SLC9A9: variants seen among roughly 807,000 people sequenced by gnomAD.
SLC9A9 encodes the protein solute carrier family 9 member A9.
SLC9A9 carries 62 observed loss-of-function variants against 77.8 expected under a neutral mutation model. That is an observed-to-expected ratio of 0.80 (90% CI 0.65 to 0.98). The LOEUF (loss-of-function observed/expected upper bound fraction) is 0.98. Ranked by LOEUF, SLC9A9 falls within the 50% of genes least tolerant of loss-of-function variation. SLC9A9 has a pLI of 0.00. For synonymous variants in SLC9A9, 320 were observed against 283.5 expected, an observed-to-expected ratio of 1.13 and a Z score of -1.29; for missense variants, 775 against 774.9, an observed-to-expected ratio of 1.00 and a Z score of 0.00.
intron 2 of SLC9A9, among the ~76,000 whole-genome samples, chr3:143,819,864 C>T (rs1180691526): frequency 6.6e-6 from 1 of 152,184 alleles, no homozygotes; most frequent in Non-Finnish European, 1.5e-5. Flanking sequence ...TTTGTGCACA[C>T]CTCATTTTTA....
chr3:143,280,786 C>T (rs1006774394), intron 14 of SLC9A9, among the ~76,000 whole-genome samples: 4 of 152,110 alleles, frequency 2.6e-5, no homozygotes, highest in Admixed American at 2.6e-4. Context: ...CTCCTGACCT[C>T]AGGTGACCTG....
intron 12 of SLC9A9, among the ~76,000 whole-genome samples, chr3:143,436,746 G>A (rs186024393): frequency 2.8e-4 from 42 of 152,332 alleles, no homozygotes; most frequent in African/African-American, 9.6e-4. Context: ...GTTTCCTAAT[G>A]GACCAGCAAG....
At chr3:143,584,682 A>G (rs2037512770) in intron 6 of SLC9A9, among the ~76,000 whole-genome samples, 1 of 152,352 alleles carries the variant, frequency 6.6e-6, no homozygotes, top group South Asian at 2.1e-4. Context: ...TATGAAATGG[A>G]TCTTTTTTCC....
At chr3:143,270,041 C>T (rs781670292) in intron 14 of SLC9A9, among the ~76,000 whole-genome samples, 2 of 152,170 alleles carry the variant, frequency 1.3e-5, no homozygotes, top group Admixed American at 6.5e-5. Flanking sequence ...ATGTATTTGT[C>T]ACCAAAGCAG....
At chr3:143,601,002 G>C (rs1348277810) in intron 6 of SLC9A9, among the ~76,000 whole-genome samples, 5 of 152,172 alleles carry the variant, frequency 3.3e-5, no homozygotes, top group African/African-American at 1.2e-4. Flanking sequence ...CGGAAATGTT[G>C]CAAGTGTATT....
chr3:143,338,506 T>C (rs1576433693), intron 14 of SLC9A9, among the ~76,000 whole-genome samples: 1 of 152,160 alleles, frequency 6.6e-6, no homozygotes, highest in South Asian at 2.1e-4. Flanking sequence ...TTATTTCCGA[T>C]TAAATCATTC....
At chr3:143,558,336 G>T (rs555121962) in intron 8 of SLC9A9, among the ~76,000 whole-genome samples, 1 of 152,272 alleles carries the variant, frequency 6.6e-6, no homozygotes, top group East Asian at 1.9e-4. Flanking sequence ...TAGTGGAGCT[G>T]TAGGAAGAGG....
At chr3:143,307,041 G>C (rs900254159) in intron 14 of SLC9A9, among the ~76,000 whole-genome samples, 2 of 152,150 alleles carry the variant, frequency 1.3e-5, no homozygotes, top group Non-Finnish European at 2.9e-5. Flanking sequence ...TTTTCTCTCT[G>C]TGTCCTTGTC....
At chr3:143,444,224 C>T (rs1576500582) in intron 12 of SLC9A9, among the ~76,000 whole-genome samples, 1 of 152,170 alleles carries the variant, frequency 6.6e-6, no homozygotes, top group South Asian at 2.1e-4. Flanking sequence ...ATTGTTTGGT[C>T]CTAAATTGGC....
chr3:143,389,400 G>A (rs1333080208), intron 12 of SLC9A9, among the ~76,000 whole-genome samples: 1 of 152,204 alleles, frequency 6.6e-6, no homozygotes, highest in Non-Finnish European at 1.5e-5. Flanking sequence ...ACATGAAGCG[G>A]TGGTGAGGGC....
chr3:143,519,753 A>G (rs1220833664), intron 9 of SLC9A9, among the ~76,000 whole-genome samples: 3 of 152,180 alleles, frequency 2.0e-5, no homozygotes, highest in Non-Finnish European at 4.4e-5. Context: ...ACAATTCTGT[A>G]TATATTTTGA....
intron 11 of SLC9A9, among the ~76,000 whole-genome samples, chr3:143,474,959 G>GT (rs58029971): frequency 1.3e-4 from 17 of 127,188 alleles, no homozygotes; most frequent in African/African-American, 1.5e-4. Flanking sequence ...CTTCACCCAG[G>GT]TTTTTTTTTT....
intron 5 of SLC9A9, among the ~76,000 whole-genome samples, chr3:143,653,729 A>G (rs988314687): frequency 1.3e-5 from 2 of 152,186 alleles, no homozygotes; most frequent in East Asian, 3.9e-4. Flanking sequence ...GGCTTTCCCA[A>G]TAATTTCAGG....
At chr3:143,846,991 G>A (rs1490131302) in intron 1 of SLC9A9, among the ~76,000 whole-genome samples, 1 of 152,232 alleles carries the variant, frequency 6.6e-6, no homozygotes, top group East Asian at 1.9e-4. Flanking sequence ...CAGCATATCA[G>A]CCTCCTGAGC....
intron 11 of SLC9A9, among the ~76,000 whole-genome samples, chr3:143,470,924 A>G (rs1301855600): frequency 6.6e-6 from 1 of 152,238 alleles, no homozygotes; most frequent in Admixed American, 6.5e-5. Flanking sequence ...GAAAAAATCT[A>G]TATCTATATA....
intron 5 of SLC9A9, among the ~76,000 whole-genome samples, chr3:143,677,701 TA>T (rs1458117602): frequency 6.6e-6 from 1 of 152,230 alleles, no homozygotes; most frequent in African/African-American, 2.4e-5. Context: ...GCCAAACTGT[TA>T]GGGGTAAAAT....
intron 4 of SLC9A9, among the ~76,000 whole-genome samples, chr3:143,713,437 G>A (rs574688043): frequency 1.3e-5 from 2 of 152,300 alleles, no homozygotes; most frequent in East Asian, 1.9e-4. Context: ...GTTTAGAACT[G>A]GAGGGTGGTC....
At chr3:143,691,694 T>G (rs1933472626) in intron 5 of SLC9A9, among the ~76,000 whole-genome samples, 1 of 152,126 alleles carries the variant, frequency 6.6e-6, no homozygotes, top group Non-Finnish European at 1.5e-5. Flanking sequence ...TTAACTAAGA[T>G]GCCCAGTCTT....
intron 8 of SLC9A9, among the ~76,000 whole-genome samples, chr3:143,559,927 C>A (rs1474296656): frequency 1.3e-5 from 2 of 152,176 alleles, no homozygotes; most frequent in African/African-American, 4.8e-5. Flanking sequence ...CACAAAGGAA[C>A]CCACTCCCTC....
Sources: gnomAD v4.1 joint callset for allele counts (sites outside exome capture counted in the v4.1 genomes callset) on GRCh38, gnomAD v4.1.1 for gene constraint, MANE v1.5 for transcripts, NCBI Gene and HGNC (gene_info 2026-07-23, HGNC 2026-07-21) for gene names.